The following RREB1 variants were observed in gnomAD, a reference collection of about 807,000 sequenced individuals.
RREB1 encodes ras responsive element binding protein 1, also known as ras-responsive element-binding protein 1.
In RREB1, 27 loss-of-function variants were observed where a neutral mutation model predicts 117.8. The observed-to-expected ratio is 0.23, with a 90% CI of 0.17 to 0.32. The LOEUF (loss-of-function observed/expected upper bound fraction) is 0.32. Ranked by LOEUF, RREB1 falls within the 10% of genes least tolerant of loss-of-function variation. RREB1 has a pLI of 1.00. For missense variants in RREB1, 2,577 were observed against 2,378.2 expected (o/e 1.08, Z -1.74); for synonymous variants, 1,298 against 1,026.7 (o/e 1.26, Z -5.05).
intron 6 of RREB1, 35 bp downstream of exon 6, chr6:7,189,357 T>C (rs374627201): frequency 2.5e-5 from 38 of 1,537,032 alleles, no homozygotes; most frequent in Non-Finnish European, 3.1e-5. Context: ...GGGGGTTGGC[T>C]GGTACTTGGA....
intron 1 of RREB1, chr6:7,139,166 T>A (rs1173180067): frequency 2.0e-5 from 3 of 152,374 alleles, no homozygotes; most frequent in Non-Finnish European, 4.4e-5. Context: ...CTGAGTGATG[T>A]TTGTTTCCAA....
chr6:7,156,224 A>T (rs1163307715), intron 1 of RREB1, among the ~76,000 whole-genome samples: 1 of 152,146 alleles, frequency 6.6e-6, no homozygotes. Context: ...TTATTTGCAT[A>T]AGTTGTTTTA....
rs373244240 is a variant in RREB1, at chr6:7,229,540, C to A, written c.1441C>A (p.Pro481Thr). 6.2e-7 allele frequency: 1 copy of A among 1,614,072 alleles called. No individual in the cohort carries two copies. ...QQILKMAASA[P>T]PQISLPPFSK... Reference sequence around the variant, plus strand: ...AATTCTGAAGATGGCAGCCTCGGCTCCCCCTCAGATCAGTCTTCCGCCCTT... The same window carrying A: ...AATTCTGAAGATGGCAGCCTCGGCTACCCCTCAGATCAGTCTTCCGCCCTT... Residue 481 changes from proline (P) to threonine (T), a missense_variant, in exon 10 of 13, where the codon CCC (proline) becomes ACC (threonine). Transcript: ENST00000379938. This position sits in a 1 kb window ranked among gnomAD's most constrained non-coding sequence, Gnocchi z 4.5.
At position 7,211,338 on chromosome 6, in the gene RREB1, A is replaced by ATGGATGGATG. The variant is rs1554124720; in HGVS notation, c.571-235_571-234insTGGATGGATG. On this transcript the variant is annotated intron_variant, in intron 7 of 12. Coordinates refer to ENST00000379938, the MANE Select transcript of RREB1 (RefSeq NM_001003699.4). ...AGGGTGGGTGGATGGATGGATGGAC[A>ATGGATGGATG]GATGGATGGATGGATGGATGGATGG... Among the ~76,000 whole-genome samples the ATGGATGGATG allele has an allele frequency of 5.1e-5, 6 of 118,674 alleles. No individual in the cohort carries two copies. The East Asian group carries it at 7.6e-4, about 15-fold the overall frequency. The allele number at this position is 118,674 out of a possible 152,430, so 77.9% of individuals were successfully genotyped here.
intron 2 of RREB1, among the ~76,000 whole-genome samples, chr6:7,177,218 CAAAAAAAAAAA>C (rs552706086): frequency 1.1e-4 from 4 of 34,926 alleles, no homozygotes; most frequent in East Asian, 9.4e-4. Context: ...GACTGTCTCA[CAAAAAAAAAAA>C]AAAAAAAAAA....
At chr6:7,159,112 G>A (rs534051111) in intron 1 of RREB1, among the ~76,000 whole-genome samples, 4 of 152,234 alleles carry the variant, frequency 2.6e-5, no homozygotes, top group South Asian at 4.2e-4. Context: ...TGCATAGGGG[G>A]ACTCAGATTT....
At chr6:7,119,405 G>T (rs1311297610) in intron 1 of RREB1, among the ~76,000 whole-genome samples, 1 of 152,112 alleles carries the variant, frequency 6.6e-6, no homozygotes, top group Non-Finnish European at 1.5e-5. Context: ...TTATATACAC[G>T]TGCTAAGTGC....
At chr6:7,174,121 G>GAGT (rs375784573) in intron 1 of RREB1, among the ~76,000 whole-genome samples, 4 of 150,288 alleles carry the variant, frequency 2.7e-5, no homozygotes, top group African/African-American at 9.8e-5. Flanking sequence ...TCACCTACAG[G>GAGT]AGTCATCTTT....
chr6:7,176,051 G>A (rs1764483265), intron 1 of RREB1, among the ~76,000 whole-genome samples: 1 of 152,092 alleles, frequency 6.6e-6, no homozygotes, highest in African/African-American at 2.4e-5. Context: ...AGAGTAGCTG[G>A]GACTACAGGC....
chr6:7,143,085 G>A (rs896171126), intron 1 of RREB1, among the ~76,000 whole-genome samples: 2 of 152,124 alleles, frequency 1.3e-5, no homozygotes, highest in Non-Finnish European at 2.9e-5. Flanking sequence ...TGGGATTTTT[G>A]GGGAAAATAC....
chr6:7,175,864 C>T (rs959657291), intron 1 of RREB1, among the ~76,000 whole-genome samples: 3 of 152,188 alleles, frequency 2.0e-5, no homozygotes, highest in Admixed American at 6.5e-5. Flanking sequence ...CTCACACCTG[C>T]GAGAGGATGT....
At position 7,246,926 on chromosome 6, in the gene RREB1, C is replaced by G. The variant is rs752027357; in HGVS notation, c.4476C>G (p.Pro1492=). 43 of 1,554,908 alleles carry G rather than the reference C, an allele frequency of 2.8e-5. No homozygotes were observed. In the Admixed American group the frequency reaches 6.5e-4, roughly 23 times the overall value. Residue 1492 remains proline, a synonymous_variant, in exon 12 of 13, where the codon CCC becomes CCG. Coordinates refer to ENST00000379938, the MANE Select transcript of RREB1 (RefSeq NM_001003699.4). ...GCACTGCAGAGGAGGGGCCCCAGCCCGCCCCTGAACAGGAGGAGAAGCCCC... is the reference window on the plus strand; with the variant it reads ...GCACTGCAGAGGAGGGGCCCCAGCCGGCCCCTGAACAGGAGGAGAAGCCCC... ...GASTAEEGPQ[P]APEQEEKPPE... is the part of the protein sequence containing the mutation.
chr6:7,250,704 C>T lies in RREB1; in HGVS notation c.*1736C>T, dbSNP rs1769371510. ...TTGTTCACACAGAAACGTGCACGCC[C>T]CCTTTTCTCCGCCACTTCACCAGTT... is the stretch of plus-strand genomic sequence containing the variant. On this transcript the variant is annotated 3_prime_UTR_variant, in exon 13 of 13. Coordinates refer to ENST00000379938, the MANE Select transcript of RREB1 (RefSeq NM_001003699.4). The T allele has an allele frequency of 6.6e-6, 1 of 152,140 alleles. No individual in the cohort carries two copies. Among genetic ancestry groups the T allele is most frequent in the Admixed American group, 6.5e-5 (1 of 15,272 alleles). 9.4% of individuals were successfully genotyped at this position (152,140 alleles called of 1,614,324 possible).
intron 11 of RREB1, among the ~76,000 whole-genome samples, chr6:7,245,996 T>C (rs1450290858): frequency 6.6e-6 from 1 of 152,208 alleles, no homozygotes; most frequent in Non-Finnish European, 1.5e-5. Flanking sequence ...CCTGTGTATG[T>C]TGCATGTTTG....
intron 1 of RREB1, among the ~76,000 whole-genome samples, chr6:7,164,735 A>G (rs1262092222): frequency 6.6e-6 from 1 of 152,206 alleles, no homozygotes; most frequent in Non-Finnish European, 1.5e-5. Context: ...ACACCTAGAC[A>G]TCCCCACAGA....
In RREB1 at chr6:7,240,448, C is replaced by T. The variant is rs778916034; in HGVS notation, c.3819C>T (p.Pro1273=). ...TTTTTCCTGCTTCAGGTCAGAAACC[C>T]TTCCCTTGTCAAAAATGCGATGCCT... is the stretch of plus-strand genomic sequence containing the variant. The part of the protein sequence containing the change: ...RHMLTHTGQK[P]FPCQKCDAFF... Residue 1273 remains proline, a synonymous_variant, in exon 11 of 13, where the codon CCC becomes CCT. Transcript: ENST00000379938. 1 of 1,613,172 alleles carries T rather than the reference C, an allele frequency of 6.2e-7. No homozygotes were observed. The highest frequency in any genetic ancestry group is 8.5e-7 in the Non-Finnish European group (1 of 1,179,498).
At chr6:7,239,615 C>T (rs1768562269) in intron 10 of RREB1, among the ~76,000 whole-genome samples, 1 of 152,200 alleles carries the variant, frequency 6.6e-6, no homozygotes, top group East Asian at 1.9e-4. Context: ...CCCATCTGTG[C>T]GTTTGGGATG....
chr6:7,159,900 G>C (rs1763564110), intron 1 of RREB1, among the ~76,000 whole-genome samples: 1 of 152,064 alleles, frequency 6.6e-6, no homozygotes, highest in Non-Finnish European at 1.5e-5. Context: ...TGGTTTCAAG[G>C]GTATGACTCT....
In RREB1 at chr6:7,135,160, A is replaced by C. The variant is rs546488039; in HGVS notation, c.-285+27100A>C. On this transcript the variant is annotated intron_variant, in intron 1 of 12. Transcript: ENST00000379938. Reference sequence around the variant, plus strand: ...GCCCAACCTTGATTATGATTAAAACAGAAAAAGATATACTTCACACCTTGG... The same window carrying C: ...GCCCAACCTTGATTATGATTAAAACCGAAAAAGATATACTTCACACCTTGG... Among the ~76,000 whole-genome samples, 4 of 152,376 alleles carry C rather than the reference A, an allele frequency of 2.6e-5. No homozygotes were observed. In the South Asian group the frequency reaches 8.3e-4, roughly 32 times the overall value.
Sources: allele counts gnomAD v4.1 joint callset (sites outside exome capture counted in the v4.1 genomes callset), GRCh38; gene constraint gnomAD v4.1.1; non-coding constraint Gnocchi (gnomAD v3.1); transcripts MANE v1.5; gene names NCBI Gene and HGNC (gene_info 2026-07-23, HGNC 2026-07-21).